The following CNTNAP4 variants were observed in gnomAD, a reference collection of about 807,000 sequenced individuals.
CNTNAP4 encodes the protein contactin associated protein family member 4, also known as contactin-associated protein-like 4.
Under a neutral mutation model 148.4 loss-of-function variants are expected in CNTNAP4, and 98 were observed. That is an observed-to-expected ratio of 0.66 (90% confidence interval 0.56 to 0.78). The LOEUF (loss-of-function observed/expected upper bound fraction) is 0.78. Among genes scored for constraint, CNTNAP4 ranks in the 30% least tolerant of loss-of-function variants. CNTNAP4 has a pLI of 0.00. For missense variants in CNTNAP4, 1,935 were observed against 1,565.6 expected (o/e 1.24, Z -3.98); for synonymous variants, 730 against 565.1 (o/e 1.29, Z -4.14).
At chr16:76,297,444 G>C (rs1597111727) in intron 1 of CNTNAP4, among the ~76,000 whole-genome samples, 2 of 152,060 alleles carry the variant, frequency 1.3e-5, no homozygotes, top group African/African-American at 4.8e-5. Context: ...CAGCCCTAAA[G>C]AATTAAAGGG....
intron 10 of CNTNAP4, among the ~76,000 whole-genome samples, chr16:76,472,054 G>A (rs1506841): frequency 0.36 from 55,039 of 151,928 alleles, 11,651 homozygotes; most frequent in Middle Eastern, 0.48. Context: ...GTATGTTGAT[G>A]TAAGCATTTG....
chr16:76,487,502 A>G (rs1048421011), intron 12 of CNTNAP4, among the ~76,000 whole-genome samples: 3 of 152,222 alleles, frequency 2.0e-5, no homozygotes, highest in African/African-American at 7.2e-5. Flanking sequence ...ACTTCGGATC[A>G]CTCAATCATG....
chr16:76,525,226 G>A (rs556659363), intron 17 of CNTNAP4, among the ~76,000 whole-genome samples: 1 of 151,910 alleles, frequency 6.6e-6, no homozygotes, highest in Non-Finnish European at 1.5e-5. Context: ...GGCAGACTCA[G>A]TGAAAGACAC....
At chr16:76,321,073 G>A (rs924079256) in intron 2 of CNTNAP4, among the ~76,000 whole-genome samples, 4 of 152,136 alleles carry the variant, frequency 2.6e-5, no homozygotes, top group African/African-American at 9.7e-5. Context: ...AATATTTCCT[G>A]ATGTTAAAAA....
At chr16:76,298,440 T>G (rs753278796) in intron 1 of CNTNAP4, among the ~76,000 whole-genome samples, 4 of 151,954 alleles carry the variant, frequency 2.6e-5, no homozygotes, top group Non-Finnish European at 5.9e-5. Flanking sequence ...GCAATTAGAT[T>G]CTTTGGATTA....
chr16:76,312,355 G>C (rs1961217668), intron 1 of CNTNAP4, among the ~76,000 whole-genome samples: 1 of 152,140 alleles, frequency 6.6e-6, no homozygotes, highest in African/African-American at 2.4e-5. Context: ...CCTCTGAATT[G>C]GAATGTGGTC....
chr16:76,451,088 T>C (rs1205405080), intron 7 of CNTNAP4, among the ~76,000 whole-genome samples: 2 of 152,156 alleles, frequency 1.3e-5, no homozygotes, highest in Non-Finnish European at 2.9e-5. Flanking sequence ...GGGCTTGCTG[T>C]CGGTCGGTTG....
At chr16:76,414,516 TATC>T (rs1233178497) in intron 3 of CNTNAP4, among the ~76,000 whole-genome samples, 55 of 151,280 alleles carry the variant, frequency 3.6e-4, no homozygotes, top group Non-Finnish European at 7.4e-5. Context: ...CAGATTTTAA[TATC>T]AGGGTTATGC....
chr16:76,303,697 G>A (rs1274955038), intron 1 of CNTNAP4, among the ~76,000 whole-genome samples: 1 of 152,178 alleles, frequency 6.6e-6, no homozygotes, highest in East Asian at 1.9e-4. Context: ...ATCATGTGCA[G>A]TTTAAAATTC....
chr16:76,460,396 A>G (rs2143386405), intron 8 of CNTNAP4, among the ~76,000 whole-genome samples: 1 of 151,700 alleles, frequency 6.6e-6, no homozygotes, highest in East Asian at 2.0e-4. Context: ...GGCATGAGCC[A>G]CCACACCTGG....
intron 10 of CNTNAP4, among the ~76,000 whole-genome samples, chr16:76,471,087 C>G (rs1597651149): frequency 6.6e-6 from 1 of 152,028 alleles, no homozygotes; most frequent in Non-Finnish European, 1.5e-5. Context: ...AGAGTCACTC[C>G]CTACGCAAAC....
At chr16:76,278,410 T>C (rs1270179192) in intron 1 of CNTNAP4, among the ~76,000 whole-genome samples, 2 of 152,240 alleles carry the variant, frequency 1.3e-5, no homozygotes, top group Admixed American at 1.3e-4. Context: ...TAGGATTCCT[T>C]TGTGGTTGAA....
intron 15 of CNTNAP4, among the ~76,000 whole-genome samples, chr16:76,515,834 T>C (rs72799043): frequency 0.11 from 16,866 of 152,020 alleles, 1,467 homozygotes; most frequent in East Asian, 0.32. Context: ...AAAATACTGG[T>C]CAGTATATTG....
In CNTNAP4 at chr16:76,553,890, A is replaced by G; in HGVS notation, c.3716A>G (p.Asp1239Gly). 2 of 1,606,348 alleles carry G rather than the reference A, an allele frequency of 1.2e-6. No homozygotes were observed. The highest frequency in any genetic ancestry group is 1.7e-6 in the Non-Finnish European group (2 of 1,173,292). Residue 1239 changes from aspartate (D) to glycine (G), a missense_variant, in exon 23 of 24, where the codon GAC (aspartate) becomes GGC (glycine). By Grantham distance (94) the Asp-to-Gly change is moderately conservative (BLOSUM62 -1). Transcript: ENST00000611870. ...REPLANAIKSDSAVIGGLIAV... is the reference protein window; with the variant it reads ...REPLANAIKSGSAVIGGLIAV... Reference sequence around the variant, plus strand: ...CCCCTTGCTAATGCAATCAAAAGTGACTCTGCAGTAATTGGAGGTAATAAG... The same window carrying G: ...CCCCTTGCTAATGCAATCAAAAGTGGCTCTGCAGTAATTGGAGGTAATAAG...
At chr16:76,371,280 T>TTTTTG (rs761683272) in intron 3 of CNTNAP4, among the ~76,000 whole-genome samples, 6 of 151,952 alleles carry the variant, frequency 3.9e-5, no homozygotes, top group Non-Finnish European at 7.4e-5. Context: ...CTGTTTTCGT[T>TTTTTG]TTTTGTTTTG....
chr16:76,352,220 A>ACC (rs1000097743), intron 2 of CNTNAP4, among the ~76,000 whole-genome samples: 1 of 152,176 alleles, frequency 6.6e-6, no homozygotes, highest in African/African-American at 2.4e-5. Context: ...TTAGTACCAG[A>ACC]CCCTAGAAGT....
chr16:76,308,124 T>TG (rs5817981), intron 1 of CNTNAP4, among the ~76,000 whole-genome samples: 88,933 of 151,346 alleles, frequency 0.59, 26,453 homozygotes, highest in African/African-American at 0.67. Flanking sequence ...TGCAGGAACA[T>TG]TTTTTTTTTA....
intron 12 of CNTNAP4, among the ~76,000 whole-genome samples, chr16:76,481,760 A>G (rs546337742): frequency 3.3e-5 from 5 of 152,186 alleles, no homozygotes; most frequent in African/African-American, 9.6e-5. Context: ...ATTGAAGAAC[A>G]TATCTTTCGG....
intron 2 of CNTNAP4, among the ~76,000 whole-genome samples, chr16:76,321,074 A>T (rs958242485): frequency 6.6e-6 from 1 of 152,168 alleles, no homozygotes; most frequent in African/African-American, 2.4e-5. Context: ...ATATTTCCTG[A>T]TGTTAAAAAT....
Sources: allele counts gnomAD v4.1 joint callset (sites outside exome capture counted in the v4.1 genomes callset), GRCh38; gene constraint gnomAD v4.1.1; transcripts MANE v1.5; gene names NCBI Gene and HGNC (gene_info 2026-07-23, HGNC 2026-07-21).